TNR: variants seen among roughly 807,000 people sequenced by gnomAD.
TNR encodes tenascin R.
A neutral mutation model predicts 150.4 loss-of-function variants in TNR; 45 were observed. The observed-to-expected ratio is 0.30, with a 90% CI of 0.24 to 0.38. The LOEUF is 0.38. Among genes scored for constraint, TNR ranks in the 10% least tolerant of loss-of-function variants. The pLI, the probability that TNR is intolerant of heterozygous loss-of-function variation, is 1.00. For synonymous variants in TNR, 687 were observed against 678.4 expected, an observed-to-expected ratio of 1.01 and a Z score of -0.20; for missense variants, 1,544 against 1,759.1, an observed-to-expected ratio of 0.88 and a Z score of 2.19.
Position 175,686,842 on chromosome 1 carries a change from AGTATTCCATG to A in TNR, c.-165+56374_-165+56383del, listed in dbSNP as rs1478423705. ...GACTTCATTCTTTTTATGGCTGCGT[AGTATTCCATG>A]GTGTACATGTCCTAAATTTTCCTTA... On this transcript the variant is annotated intron_variant, in intron 1 of 22. Coordinates refer to ENST00000367674, the MANE Select transcript of TNR (RefSeq NM_003285.3). Among the ~76,000 whole-genome samples the A allele has an allele frequency of 4.6e-5, 7 of 152,336 alleles. No individual in the cohort carries two copies. In the East Asian group the frequency reaches 1.3e-3, roughly 29 times the overall value.
At chr1:175,735,545 C>T (rs1205636725) in intron 1 of TNR, among the ~76,000 whole-genome samples, 6 of 152,170 alleles carry the variant, frequency 3.9e-5, no homozygotes, top group Non-Finnish European at 5.9e-5. Flanking sequence ...CAATACTTCA[C>T]GAAGCAGGCA....
At chr1:175,656,141 A>AGT (rs575020723) in intron 1 of TNR, among the ~76,000 whole-genome samples, 17,096 of 123,674 alleles carry the variant, frequency 0.14, 1,195 homozygotes, top group Middle Eastern at 0.14. Flanking sequence ...GGAAGGTTGA[A>AGT]GTGTGTGTGT....
At chr1:175,513,525 A>G (rs1659280012) in intron 2 of TNR, among the ~76,000 whole-genome samples, 1 of 152,154 alleles carries the variant, frequency 6.6e-6, no homozygotes, top group African/African-American at 2.4e-5. Flanking sequence ...GACCCTCCCC[A>G]GTGCAGTGCT....
chr1:175,442,271 G>T (rs533853310), intron 2 of TNR, among the ~76,000 whole-genome samples: 1 of 152,174 alleles, frequency 6.6e-6, no homozygotes, highest in East Asian at 1.9e-4. Flanking sequence ...CAGGAAGCAG[G>T]GCATGTAAAC....
intron 1 of TNR, among the ~76,000 whole-genome samples, chr1:175,721,971 A>G (rs1667318685): frequency 6.6e-6 from 1 of 151,686 alleles, no homozygotes; most frequent in Admixed American, 6.6e-5. Flanking sequence ...CTGGACTGCT[A>G]CCCCAGCTGT....
chr1:175,736,300 T>A (rs1667767146), intron 1 of TNR, among the ~76,000 whole-genome samples: 1 of 152,120 alleles, frequency 6.6e-6, no homozygotes, highest in Admixed American at 6.5e-5. Flanking sequence ...GGCGGGTGGA[T>A]CACGAGGTCA....
intron 4 of TNR, among the ~76,000 whole-genome samples, chr1:175,402,352 A>G (rs1653751584): frequency 6.8e-6 from 1 of 146,494 alleles, no homozygotes; most frequent in Non-Finnish European, 1.5e-5. Context: ...AATCAGCCCC[A>G]ATGAGATACT....
chr1:175,483,140 A>G (rs189834018), intron 2 of TNR, among the ~76,000 whole-genome samples: 205 of 152,280 alleles, frequency 1.3e-3, no homozygotes, highest in African/African-American at 4.8e-3. Context: ...AGATGAATGA[A>G]CAGGCTCCAG....
chr1:175,327,346 C>G (rs1371174889), intron 21 of TNR, among the ~76,000 whole-genome samples: 1 of 152,190 alleles, frequency 6.6e-6, no homozygotes, highest in South Asian at 2.1e-4. Context: ...AACCACTGTT[C>G]AGATTTATAA....
chr1:175,359,525 A>G, intron 15 of TNR, 87 bp downstream of exon 15: 1 of 1,603,332 alleles, frequency 6.2e-7, no homozygotes, highest in Non-Finnish European at 8.5e-7. Flanking sequence ...GATTGAAAAA[A>G]TGTTTTGTTT....
intron 1 of TNR, among the ~76,000 whole-genome samples, chr1:175,549,487 A>G (rs1469716294): frequency 6.6e-6 from 1 of 152,202 alleles, no homozygotes; most frequent in Non-Finnish European, 1.5e-5. Flanking sequence ...TTCCTGGTAC[A>G]CATGCTCTGT....
chr1:175,710,589 C>G (rs2101935426), intron 1 of TNR, among the ~76,000 whole-genome samples: 1 of 152,232 alleles, frequency 6.6e-6, no homozygotes, highest in African/African-American at 2.4e-5. Flanking sequence ...TCCAGACAGC[C>G]CTCTTAAGTC....
At chr1:175,421,106 C>A (rs1654737572) in intron 2 of TNR, among the ~76,000 whole-genome samples, 1 of 152,080 alleles carries the variant, frequency 6.6e-6, no homozygotes, top group Admixed American at 6.6e-5. Context: ...AACATTGACT[C>A]CAAGCAGCAG....
chr1:175,500,374 T>C (rs1451330413), intron 2 of TNR, among the ~76,000 whole-genome samples: 2 of 152,208 alleles, frequency 1.3e-5, no homozygotes, highest in Admixed American at 6.5e-5. Flanking sequence ...CTAAGTGGAT[T>C]TGGGGCCTGG....
intron 2 of TNR, among the ~76,000 whole-genome samples, chr1:175,421,790 C>A (rs186693081): frequency 6.6e-6 from 1 of 152,276 alleles, no homozygotes; most frequent in African/African-American, 2.4e-5. Flanking sequence ...GGAACATACC[C>A]ACCAGCTTCA....
chr1:175,355,920 A>G (rs1651303417), intron 16 of TNR, among the ~76,000 whole-genome samples: 1 of 152,092 alleles, frequency 6.6e-6, no homozygotes, highest in Non-Finnish European at 1.5e-5. Flanking sequence ...GACCCTGATA[A>G]ACTCTCATGT....
intron 2 of TNR, among the ~76,000 whole-genome samples, chr1:175,437,880 T>C (rs1655586481): frequency 6.6e-6 from 1 of 152,176 alleles, no homozygotes; most frequent in Non-Finnish European, 1.5e-5. Context: ...ATTGAGGCAA[T>C]AATTAATAGC....
chr1:175,519,938 A>G, intron 2 of TNR, among the ~76,000 whole-genome samples: 1 of 152,216 alleles, frequency 6.6e-6, no homozygotes, highest in East Asian at 1.9e-4. Flanking sequence ...CCTGGACTCA[A>G]ACTACTTGGG....
At chr1:175,740,329 T>C (rs1667891972) in intron 1 of TNR, among the ~76,000 whole-genome samples, 1 of 152,210 alleles carries the variant, frequency 6.6e-6, no homozygotes, top group Non-Finnish European at 1.5e-5. Context: ...CAGGGAACTT[T>C]TATACATCTT....
Sources: gnomAD v4.1 joint callset for allele counts (sites outside exome capture counted in the v4.1 genomes callset) on GRCh38, gnomAD v4.1.1 for gene constraint, MANE v1.5 for transcripts, NCBI Gene and HGNC (gene_info 2026-07-23, HGNC 2026-07-21) for gene names.